SEC14L1: variants seen among roughly 807,000 people sequenced by gnomAD.
The protein encoded by SEC14L1 is SEC14-like protein 1.
A neutral mutation model predicts 85.3 loss-of-function variants in SEC14L1; 48 were observed. The observed-to-expected ratio is 0.56, with a 90% confidence interval of 0.45 to 0.72. The LOEUF (loss-of-function observed/expected upper bound fraction) is 0.72, where lower values mean the gene tolerates loss of function less well. SEC14L1 is among the 30% of genes least tolerant of loss of function. SEC14L1 has a pLI of 0.00. For synonymous variants in SEC14L1, 391 were observed against 355.5 expected, an observed-to-expected ratio of 1.10 and a Z score of -1.12; for missense variants, 682 against 921.4, an observed-to-expected ratio of 0.74 and a Z score of 3.36.
intron 3 of SEC14L1, among the ~76,000 whole-genome samples, chr17:77,188,008 C>T (rs564259110): frequency 6.4e-4 from 97 of 152,162 alleles, no homozygotes; most frequent in African/African-American, 2.2e-3. Flanking sequence ...GCCTCTGGAT[C>T]GCTTAGGTTT....
chr17:77,213,838 C>G lies in SEC14L1; in HGVS notation c.2043-80C>G, dbSNP rs1357269714. The G allele has an allele frequency of 6.4e-7, 1 of 1,551,122 alleles. No individual in the cohort carries two copies. Among genetic ancestry groups the G allele is most frequent in the Non-Finnish European group, 8.9e-7 (1 of 1,124,888 alleles). ...AGTGAGCAGAGAACAGGGTGGGCCA[C>G]GAAGTCCAGCAGGCAGTGTGGGCCG... On this transcript the variant is annotated intron_variant, in intron 16 of 16. Transcript: ENST00000436233. The surrounding 1 kb of genome is among the most constrained non-coding windows in gnomAD (Gnocchi z 7.1).
intron 9 of SEC14L1, 36 bp downstream of exon 9, chr17:77,200,709 G>A: frequency 6.3e-7 from 1 of 1,580,424 alleles, no homozygotes; most frequent in South Asian, 1.2e-5. Flanking sequence ...TTCCATCGTT[G>A]TCTTGATGTG....
chr17:77,138,104 T>C (rs1268454234), upstream of SEC14L1, among the ~76,000 whole-genome samples: 1 of 151,972 alleles, frequency 6.6e-6, no homozygotes, highest in Non-Finnish European at 1.5e-5. Flanking sequence ...GCTGAGTCAG[T>C]TCCTGGGCGG....
At chr17:77,172,297 A>T (rs1974553870) in intron 3 of SEC14L1, among the ~76,000 whole-genome samples, 1 of 152,288 alleles carries the variant, frequency 6.6e-6, no homozygotes, top group East Asian at 1.9e-4. Context: ...CAAGGTCATG[A>T]GTAGAATGAC....
intron 8 of SEC14L1, among the ~76,000 whole-genome samples, chr17:77,198,249 A>T (rs1975914271): frequency 6.6e-6 from 1 of 152,228 alleles, no homozygotes; most frequent in Admixed American, 6.5e-5. Flanking sequence ...AATACAGGTG[A>T]GTCTTGCTTG....
chr17:77,106,300 A>G (rs1025123206), intron 3 of SEC14L1, among the ~76,000 whole-genome samples: 10 of 152,050 alleles, frequency 6.6e-5, no homozygotes, highest in African/African-American at 2.4e-4. Context: ...TTGGGAGGCT[A>G]AGGTGGGCGG....
At chr17:77,178,155 G>A (rs150130161) in intron 3 of SEC14L1, among the ~76,000 whole-genome samples, 1 of 146,608 alleles carries the variant, frequency 6.8e-6, no homozygotes, top group African/African-American at 2.5e-5. Context: ...TCTTAAAGCG[G>A]ATGGAGCTGT....
At chr17:77,156,303 G>A (rs1489512560) in intron 3 of SEC14L1, among the ~76,000 whole-genome samples, 1 of 152,108 alleles carries the variant, frequency 6.6e-6, no homozygotes, top group Non-Finnish European at 1.5e-5. Context: ...GGCCAGGCAC[G>A]GTGGCTCACA....
At chr17:77,100,805 G>T (rs62078276) in intron 3 of SEC14L1, among the ~76,000 whole-genome samples, 2 of 151,924 alleles carry the variant, frequency 1.3e-5, no homozygotes, top group Admixed American at 6.6e-5. Context: ...GTAACTTTAC[G>T]TAAGGTCAAT....
At chr17:77,131,132 T>C (rs1351310502) in intron 3 of SEC14L1, among the ~76,000 whole-genome samples, 1 of 152,162 alleles carries the variant, frequency 6.6e-6, no homozygotes, top group African/African-American at 2.4e-5. Flanking sequence ...CATGGGCCAA[T>C]GGAAAGAGGC....
In SEC14L1 at chr17:77,213,736, G is replaced by C; in HGVS notation, c.2043-182G>C. On this transcript the variant is annotated intron_variant, in intron 16 of 16. Transcript: ENST00000436233. This position sits in a 1 kb window ranked among gnomAD's most constrained non-coding sequence, Gnocchi z 7.1. ...CTTTAGCTCACACTGCCGTCTGCGT[G>C]CAGGCTGTGGGAAGCCGGTCCCCCT... is the stretch of plus-strand genomic sequence containing the variant. 1.1e-6 allele frequency: 1 copy of C among 885,992 alleles called. No individual in the cohort carries two copies. Among genetic ancestry groups the C allele is most frequent in the Non-Finnish European group, 1.8e-6 (1 of 551,356 alleles). 54.9% of individuals were successfully genotyped at this position (885,992 alleles called of 1,614,324 possible). A position where few individuals can be genotyped will look rare whatever the true frequency, so the allele number is the denominator to read the frequency against.
chr17:77,145,142 T>TAC (rs1973241914), intron 3 of SEC14L1: 1 of 147,270 alleles, frequency 6.8e-6, no homozygotes, highest in African/African-American at 2.5e-5. Context: ...TGTGTATATA[T>TAC]ACACATATAT....
intron 3 of SEC14L1, among the ~76,000 whole-genome samples, chr17:77,162,528 A>G (rs1224374854): frequency 6.6e-6 from 1 of 152,112 alleles, no homozygotes; most frequent in Admixed American, 6.6e-5. Context: ...CACATGGTGG[A>G]AAGGTTAAAA....
intron 9 of SEC14L1, among the ~76,000 whole-genome samples, chr17:77,202,390 G>A (rs1347740345): frequency 1.3e-5 from 2 of 152,062 alleles, no homozygotes; most frequent in African/African-American, 2.4e-5. Flanking sequence ...AGGCTGAAGC[G>A]GGTGGATCAC....
intron 3 of SEC14L1, among the ~76,000 whole-genome samples, chr17:77,162,864 C>G (rs1321838432): frequency 6.6e-6 from 1 of 151,680 alleles, no homozygotes; most frequent in Non-Finnish European, 1.5e-5. Flanking sequence ...TTCTCATAGT[C>G]ATGTTTTCTT....
chr17:77,213,334 G>T lies in SEC14L1; in HGVS notation c.1884G>T (p.Trp628Cys). Reference sequence around the variant, plus strand: ...TCTAGGGTTCCCATGTGACCAGGTGGCCGGGCTTCTACATCCTGCAGTGGA... The same window carrying T: ...TCTAGGGTTCCCATGTGACCAGGTGTCCGGGCTTCTACATCCTGCAGTGGA... ...ESVQGSHVTR[W>C]PGFYILQWKF... Residue 628 changes from tryptophan to cysteine, a missense_variant, in exon 16 of 17, where the codon TGG becomes TGT. Physicochemically the swap from Trp to Cys is radical, Grantham distance 215 (BLOSUM62 -2). This residue lies in a region of SEC14L1 where 420 missense variants were observed against 619.5 expected (regional missense o/e 0.68). Coordinates refer to ENST00000436233, the MANE Select transcript of SEC14L1 (RefSeq NM_001143998.2). This position sits in a 1 kb window ranked among gnomAD's most constrained non-coding sequence, Gnocchi z 7.1. The T allele has an allele frequency of 6.2e-7, 1 of 1,611,444 alleles. No individual in the cohort carries two copies.
chr17:77,125,005 TATTA>T (rs1238088705), intron 3 of SEC14L1, among the ~76,000 whole-genome samples: 2 of 103,966 alleles, frequency 1.9e-5, no homozygotes, highest in African/African-American at 1.5e-4. Flanking sequence ...TTATTTTTAT[TATTA>T]TTATATATTT....
intron 6 of SEC14L1, 85 bp downstream of exon 6, chr17:77,193,634 GC>G: frequency 7.2e-7 from 1 of 1,394,620 alleles, no homozygotes; most frequent in South Asian, 1.3e-5. Flanking sequence ...GGATGGCTTA[GC>G]AAGGGATTTG....
At position 77,146,071 on chromosome 17, in the gene SEC14L1, C is replaced by A. The variant is rs1380924943; in HGVS notation, c.63+2412C>A. ...GAAACTTGATCTAGTTCATTCCCCA[C>A]CCCGACCCCTGCCCTGGTCCTGGGT... On this transcript the variant is annotated intron_variant, in intron 3 of 16. Coordinates refer to ENST00000436233, the MANE Select transcript of SEC14L1 (RefSeq NM_001143998.2). 2.0e-5 allele frequency among the ~76,000 whole-genome samples: 3 copies of A among 152,180 alleles called. No individual in the cohort carries two copies. The East Asian group carries it at 5.8e-4, about 29-fold the overall frequency.
Sources: allele counts gnomAD v4.1 joint callset (sites outside exome capture counted in the v4.1 genomes callset), GRCh38; gene constraint gnomAD v4.1.1; regional missense constraint gnomAD v4.1.1; non-coding constraint Gnocchi (gnomAD v3.1); transcripts MANE v1.5; gene names NCBI Gene and HGNC (gene_info 2026-07-23, HGNC 2026-07-21).